The following TYW1B variants were observed in gnomAD, a reference collection of about 807,000 sequenced individuals.
TYW1B encodes S-adenosyl-L-methionine-dependent tRNA 4-demethylwyosine synthase TYW1B.
Under a neutral mutation model 86.9 loss-of-function variants are expected in TYW1B, and 73 were observed. That is an observed-to-expected ratio of 0.84 (90% CI 0.70 to 1.02). The LOEUF (loss-of-function observed/expected upper bound fraction) is 1.02. Ranked by LOEUF, TYW1B falls within the 50% of genes least tolerant of loss-of-function variation. The pLI, the probability that TYW1B is intolerant of heterozygous loss-of-function variation, is 0.00. For synonymous variants in TYW1B, 248 were observed against 292.8 expected, an observed-to-expected ratio of 0.85 and a Z score of 1.56; for missense variants, 637 against 827.4, an observed-to-expected ratio of 0.77 and a Z score of 2.82.
chr7:72,680,333 G>A (rs1467874076), intron 11 of TYW1B, among the ~76,000 whole-genome samples: 10 of 152,084 alleles, frequency 6.6e-5, no homozygotes, highest in Admixed American at 2.0e-4. Context: ...CAGTGCAGCC[G>A]GAATAAAAGC....
chr7:72,618,587 C>G (rs1281560559), intron 12 of TYW1B, among the ~76,000 whole-genome samples: 7 of 152,084 alleles, frequency 4.6e-5, no homozygotes, highest in African/African-American at 1.4e-4. Flanking sequence ...GGGACTTGGA[C>G]GAAGACTCAC....
chr7:72,678,465 C>A (rs540609813), intron 11 of TYW1B, among the ~76,000 whole-genome samples: 2 of 152,078 alleles, frequency 1.3e-5, no homozygotes, highest in Non-Finnish European at 2.9e-5. Flanking sequence ...GAGAAATGGG[C>A]AAGGTATGGA....
chr7:72,628,553 G>A (rs1339153949), intron 12 of TYW1B, among the ~76,000 whole-genome samples: 1 of 152,130 alleles, frequency 6.6e-6, no homozygotes, highest in African/African-American at 2.4e-5. Context: ...AAAGGTTTAT[G>A]TAAAAGTCAA....
intron 13 of TYW1B, among the ~76,000 whole-genome samples, chr7:72,579,015 G>A (rs1811087550): frequency 6.6e-6 from 1 of 151,920 alleles, no homozygotes; most frequent in South Asian, 2.1e-4. Context: ...TTCTAAGAGA[G>A]AGTAAAGGAT....
At chr7:72,715,678 C>T (rs1786765888) in intron 9 of TYW1B, among the ~76,000 whole-genome samples, 2 of 151,624 alleles carry the variant, frequency 1.3e-5, no homozygotes, top group South Asian at 4.2e-4. Context: ...ATCTGTACAA[C>T]AAACCCCCAT....
intron 11 of TYW1B, among the ~76,000 whole-genome samples, chr7:72,657,379 C>A (rs1296422592): frequency 6.6e-6 from 1 of 152,046 alleles, no homozygotes; most frequent in African/African-American, 2.4e-5. Context: ...ATTTGAATTT[C>A]AGGAGTTCCA....
At chr7:72,719,153 TA>T (rs1179069527) in intron 9 of TYW1B, among the ~76,000 whole-genome samples, 2 of 151,926 alleles carry the variant, frequency 1.3e-5, no homozygotes, top group African/African-American at 2.4e-5. Context: ...CAATTATTAT[TA>T]TTTTTTTTTT....
At chr7:72,649,324 TGA>T (rs1334172544) in intron 11 of TYW1B, among the ~76,000 whole-genome samples, 1 of 152,188 alleles carries the variant, frequency 6.6e-6, no homozygotes, top group African/African-American at 2.4e-5. Context: ...ACTTTCCATC[TGA>T]GAGAAGAGCT....
chr7:72,699,407 G>A (rs1814403016), intron 10 of TYW1B, among the ~76,000 whole-genome samples: 1 of 152,176 alleles, frequency 6.6e-6, no homozygotes, highest in South Asian at 2.1e-4. Flanking sequence ...GACACAGTCA[G>A]ATCAGTGCTG....
intron 13 of TYW1B, among the ~76,000 whole-genome samples, chr7:72,593,907 C>G (rs1231396834): frequency 6.7e-6 from 1 of 149,988 alleles, no homozygotes; most frequent in East Asian, 2.0e-4. Flanking sequence ...GCAACACACC[C>G]CTAAATATTA....
chr7:72,814,116 T>A (rs573554704), intron 3 of TYW1B, among the ~76,000 whole-genome samples: 1 of 152,066 alleles, frequency 6.6e-6, no homozygotes, highest in Non-Finnish European at 1.5e-5. Flanking sequence ...GACCTTTTGG[T>A]TGGATCGCCC....
chr7:72,640,372 A>G (rs1383269635), intron 11 of TYW1B, among the ~76,000 whole-genome samples: 1 of 152,142 alleles, frequency 6.6e-6, no homozygotes, highest in Non-Finnish European at 1.5e-5. Flanking sequence ...ACGAAAGACT[A>G]AAGAGAAAAT....
intron 13 of TYW1B, among the ~76,000 whole-genome samples, chr7:72,578,103 T>A (rs539187296): frequency 7.5e-5 from 11 of 147,312 alleles, no homozygotes; most frequent in Admixed American, 4.2e-4. Context: ...GCCCAGCCTC[T>A]CTTCCTCACC....
rs376314276 is a variant in TYW1B, at chr7:72,806,301, T to TCTCAGATCACTGTGAC, written c.723+749_723+764dup. ...CCCAGGCTGGAGTGCAGTCGCGTGA[T>TCTCAGATCACTGTGAC]CTCAGATCACTGTGACCTCCACCTC... On this transcript the variant is annotated intron_variant, in intron 5 of 13. Coordinates refer to ENST00000620995, the MANE Select transcript of TYW1B (RefSeq NM_001145440.3). 5.7e-3 allele frequency among the ~76,000 whole-genome samples: 861 copies of TCTCAGATCACTGTGAC among 150,866 alleles called. 11 individuals carry two copies. Among genetic ancestry groups the TCTCAGATCACTGTGAC allele is most frequent in the African/African-American group, 0.019 (766 of 41,010 alleles).
chr7:72,584,653 G>A (rs1183183437), intron 13 of TYW1B, among the ~76,000 whole-genome samples: 6 of 151,844 alleles, frequency 4.0e-5, no homozygotes, highest in Non-Finnish European at 5.9e-5. Flanking sequence ...ATGGGGTTTC[G>A]CCACGTTGGC....
intron 13 of TYW1B, among the ~76,000 whole-genome samples, chr7:72,604,152 TAA>T (rs1214929719): frequency 6.6e-6 from 1 of 151,938 alleles, no homozygotes; most frequent in Non-Finnish European, 1.5e-5. Flanking sequence ...CTGTAAAACA[TAA>T]AGTCTATTGA....
At chr7:72,823,787 A>T (rs2129572976) in intron 2 of TYW1B, among the ~76,000 whole-genome samples, 1 of 152,274 alleles carries the variant, frequency 6.6e-6, no homozygotes, top group East Asian at 1.9e-4. Flanking sequence ...AAACTAATTA[A>T]TATAGTCAAT....
chr7:72,640,829 C>A (rs1440742795), intron 11 of TYW1B, among the ~76,000 whole-genome samples: 1 of 152,190 alleles, frequency 6.6e-6, no homozygotes, highest in Middle Eastern at 3.4e-3. Context: ...AAGCACAGAA[C>A]ATATGAACGA....
At chr7:72,647,554 C>A (rs1225491750) in intron 11 of TYW1B, among the ~76,000 whole-genome samples, 2 of 152,214 alleles carry the variant, frequency 1.3e-5, no homozygotes, top group African/African-American at 4.8e-5. Flanking sequence ...CGAAACCCAA[C>A]ATATCTGAGG....
Sources: gnomAD v4.1 joint callset for allele counts (sites outside exome capture counted in the v4.1 genomes callset) on GRCh38, gnomAD v4.1.1 for gene constraint, MANE v1.5 for transcripts, NCBI Gene and HGNC (gene_info 2026-07-23, HGNC 2026-07-21) for gene names.